CSMD1: variants seen among roughly 807,000 people sequenced by gnomAD.
CSMD1 encodes the protein CUB and sushi domain-containing protein 1.
A neutral mutation model predicts 417.5 loss-of-function variants in CSMD1; 213 were observed. That is an observed-to-expected ratio of 0.51 (90% CI 0.46 to 0.57). CSMD1 has a LOEUF of 0.57. Among genes scored for constraint, CSMD1 ranks in the 20% least tolerant of loss-of-function variants. CSMD1 has a pLI of 0.00. For missense variants in CSMD1, 6,923 were observed against 4,529.7 expected (o/e 1.53, Z -15.17); for synonymous variants, 2,862 against 1,736.8 (o/e 1.65, Z -16.11).
At chr8:3,161,755 G>A (rs571916264) in intron 38 of CSMD1, among the ~76,000 whole-genome samples, 1 of 151,978 alleles carries the variant, frequency 6.6e-6, no homozygotes, top group East Asian at 1.9e-4. Flanking sequence ...AGCCCAAAGA[G>A]GGCATTAATG....
intron 21 of CSMD1, 61 bp downstream of exon 21, chr8:3,359,091 T>A: frequency 6.4e-7 from 1 of 1,557,602 alleles, no homozygotes; most frequent in South Asian, 1.1e-5. Context: ...ACCCTAGGCT[T>A]CTTGCCTGGG....
intron 2 of CSMD1, among the ~76,000 whole-genome samples, chr8:4,546,822 A>G (rs981152061): frequency 4.0e-5 from 6 of 151,812 alleles, no homozygotes; most frequent in African/African-American, 1.5e-4. Context: ...TTATAATTAT[A>G]ATATTTGTAT....
chr8:3,722,970 G>A (rs1802273886), intron 6 of CSMD1, among the ~76,000 whole-genome samples: 1 of 152,194 alleles, frequency 6.6e-6, no homozygotes, highest in Non-Finnish European at 1.5e-5. Context: ...AGAGCTTAAA[G>A]CAGCATTTTA....
chr8:3,318,477 T>A (rs79971278), intron 23 of CSMD1, among the ~76,000 whole-genome samples: 1 of 152,198 alleles, frequency 6.6e-6, no homozygotes, highest in Non-Finnish European at 1.5e-5. Context: ...CAGAAACTCA[T>A]AGTCTGTGTA....
chr8:3,494,579 G>C (rs1329121223), intron 10 of CSMD1, among the ~76,000 whole-genome samples: 6 of 149,888 alleles, frequency 4.0e-5, no homozygotes, highest in African/African-American at 1.3e-4. Context: ...TAGATAGATA[G>C]ATAGATAGAT....
chr8:3,284,401 C>A lies in CSMD1; in HGVS notation c.3951-55G>T, dbSNP rs1489098600. On this transcript the variant is annotated intron_variant, in intron 25 of 69. Coordinates refer to ENST00000635120, the MANE Select transcript of CSMD1 (RefSeq NM_033225.6). Reference sequence around the variant, plus strand: ...GCCGTGCATCGAGCATGTCCTGACCCCATAGCTGTAAAGTAAGCAAGCTCA... The same window carrying A: ...GCCGTGCATCGAGCATGTCCTGACCACATAGCTGTAAAGTAAGCAAGCTCA... 4 of 1,369,820 alleles carry A rather than the reference C, an allele frequency of 2.9e-6. No individual in the cohort carries two copies. In the South Asian group the frequency reaches 4.8e-5, roughly 16 times the overall value. 84.9% of individuals were successfully genotyped at this position (1,369,820 alleles called of 1,614,324 possible). A position where few individuals can be genotyped will look rare whatever the true frequency, so the allele number is the denominator to read the frequency against.
chr8:4,303,597 G>A (rs755611773), intron 3 of CSMD1, among the ~76,000 whole-genome samples: 3 of 151,842 alleles, frequency 2.0e-5, no homozygotes, highest in Non-Finnish European at 2.9e-5. Flanking sequence ...GCACCTTCTG[G>A]ACATTGTCAT....
intron 3 of CSMD1, among the ~76,000 whole-genome samples, chr8:4,157,767 G>A (rs117700184): frequency 0.028 from 4,246 of 152,268 alleles, 81 homozygotes; most frequent in Middle Eastern, 0.082. Context: ...GACCTGCCTG[G>A]TCCAGCGTTC....
At chr8:4,347,995 C>T (rs778238545) in intron 3 of CSMD1, among the ~76,000 whole-genome samples, 85 of 152,052 alleles carry the variant, frequency 5.6e-4, no homozygotes, top group East Asian at 5.8e-4. Flanking sequence ...GGCAAACATG[C>T]GTCACTTATT....
At chr8:3,630,844 A>C (rs573226084) in intron 7 of CSMD1, among the ~76,000 whole-genome samples, 20 of 152,312 alleles carry the variant, frequency 1.3e-4, no homozygotes, top group Middle Eastern at 3.4e-3. Flanking sequence ...AGATCCCCAC[A>C]GGCAACCAAG....
chr8:3,893,076 T>G (rs1467037386), intron 5 of CSMD1, among the ~76,000 whole-genome samples: 1 of 151,830 alleles, frequency 6.6e-6, no homozygotes, highest in Non-Finnish European at 1.5e-5. Flanking sequence ...GCTGGAGAAA[T>G]GCTGGAATTA....
intron 12 of CSMD1, among the ~76,000 whole-genome samples, chr8:3,423,185 TACC>T (rs1440120359): frequency 1.3e-5 from 2 of 152,224 alleles, no homozygotes; most frequent in South Asian, 4.1e-4. Context: ...CCACAAATTT[TACC>T]ACGTCTAAAT....
intron 4 of CSMD1, among the ~76,000 whole-genome samples, chr8:4,000,979 C>T (rs545188371): frequency 1.3e-5 from 2 of 151,708 alleles, no homozygotes; most frequent in Non-Finnish European, 2.9e-5. Flanking sequence ...ACTGCTGAAA[C>T]TACATACATT....
At chr8:4,721,596 G>A (rs1809054721) in intron 1 of CSMD1, among the ~76,000 whole-genome samples, 1 of 152,186 alleles carries the variant, frequency 6.6e-6, no homozygotes, top group Admixed American at 6.6e-5. Context: ...GAACTGCTGT[G>A]CACTGTTTGT....
At chr8:4,226,689 A>G (rs1801378228) in intron 3 of CSMD1, among the ~76,000 whole-genome samples, 1 of 152,178 alleles carries the variant, frequency 6.6e-6, no homozygotes, top group Admixed American at 6.5e-5. Flanking sequence ...TCCTTTAAAA[A>G]TTTTACGTCC....
At chr8:3,448,961 G>A (rs759478893) in intron 12 of CSMD1, among the ~76,000 whole-genome samples, 1 of 152,208 alleles carries the variant, frequency 6.6e-6, no homozygotes, top group South Asian at 2.1e-4. Flanking sequence ...GAAGGTGACA[G>A]CCAATCGCAA....
intron 2 of CSMD1, among the ~76,000 whole-genome samples, chr8:4,512,616 C>G (rs777920648): frequency 6.6e-6 from 1 of 151,842 alleles, no homozygotes; most frequent in Non-Finnish European, 1.5e-5. Flanking sequence ...CACTAATGCA[C>G]AAAATAAATT....
At chr8:4,606,657 G>A (rs1266842225) in intron 2 of CSMD1, among the ~76,000 whole-genome samples, 3 of 152,170 alleles carry the variant, frequency 2.0e-5, no homozygotes, top group Admixed American at 6.5e-5. Flanking sequence ...CAACCATGAT[G>A]TGTTCTATTC....
chr8:4,769,879 C>A (rs1292017960), intron 1 of CSMD1, among the ~76,000 whole-genome samples: 1 of 152,084 alleles, frequency 6.6e-6, no homozygotes, highest in Non-Finnish European at 1.5e-5. Flanking sequence ...CCACTAACAT[C>A]ATTTTTTCCT....
Sources: gnomAD v4.1 joint callset for allele counts (sites outside exome capture counted in the v4.1 genomes callset) on GRCh38, gnomAD v4.1.1 for gene constraint, MANE v1.5 for transcripts, NCBI Gene and HGNC (gene_info 2026-07-23, HGNC 2026-07-21) for gene names.